The following PCDHGB3 variants were observed in gnomAD, a reference collection of about 807,000 sequenced individuals.
PCDHGB3 encodes the protein protocadherin gamma subfamily B, 3.
A neutral mutation model predicts 59.2 loss-of-function variants in PCDHGB3; 40 were observed. The ratio of observed to expected loss-of-function variants is 0.68; its 90% CI spans 0.52 to 0.88. The LOEUF (loss-of-function observed/expected upper bound fraction) is 0.88. PCDHGB3 is among the 40% of genes least tolerant of loss of function. PCDHGB3 has a pLI of 0.00. For synonymous variants in PCDHGB3, 581 were observed against 503.6 expected (o/e 1.15, Z -2.06); for missense variants, 1,309 against 1,187.9 (o/e 1.10, Z -1.50).
intron 1 of PCDHGB3, among the ~76,000 whole-genome samples, chr5:141,387,427 GT>G (rs1416187411): frequency 6.6e-6 from 1 of 152,220 alleles, no homozygotes; most frequent in Non-Finnish European, 1.5e-5. Context: ...GTCAATAAAT[GT>G]TTATGTACTT....
chr5:141,482,086 T>C (rs1435200188), intron 1 of PCDHGB3, among the ~76,000 whole-genome samples: 6 of 93,070 alleles, frequency 6.4e-5, no homozygotes, highest in African/African-American at 3.7e-4. Flanking sequence ...ACTCACTCCA[T>C]CTCAAAAAAA....
At chr5:141,460,981 GTGTATATA>G (rs1342006423) in intron 1 of PCDHGB3, among the ~76,000 whole-genome samples, 30 of 121,890 alleles carry the variant, frequency 2.5e-4, no homozygotes, top group African/African-American at 5.8e-4. Flanking sequence ...GTGTGTGTGT[GTGTATATA>G]TATATATGTG....
At chr5:141,469,674 A>G (rs532726373) in intron 1 of PCDHGB3, among the ~76,000 whole-genome samples, 23 of 152,380 alleles carry the variant, frequency 1.5e-4, no homozygotes, top group Non-Finnish European at 2.2e-4. Flanking sequence ...TAATAAAACT[A>G]CATATGCATT....
intron 1 of PCDHGB3, chr5:141,395,240 G>A: frequency 6.3e-7 from 1 of 1,589,850 alleles, no homozygotes; most frequent in Non-Finnish European, 8.6e-7. Context: ...ATGGTCAGGT[G>A]AGTTTAGTTC....
chr5:141,423,929 G>C, intron 1 of PCDHGB3: 1 of 1,236,074 alleles, frequency 8.1e-7, no homozygotes, highest in East Asian at 3.5e-5. Flanking sequence ...TGCTGGTTTG[G>C]TTTGAAGTAA....
chr5:141,424,353 T>C (rs923306479), intron 1 of PCDHGB3: 1 of 152,246 alleles, frequency 6.6e-6, no homozygotes, highest in African/African-American at 2.4e-5. Flanking sequence ...GGAGATAAAA[T>C]TTAGATCACA....
rs1435240793 is a variant in PCDHGB3 at position 141,402,906 on chromosome 5, CA to C, written c.2415+30098del. ...GGGTGGAAGAAAGAACCTGATGAAG[CA>C]GCGCGCACAGAGATCCTTTTGAGAA... On this transcript the variant is annotated intron_variant, in intron 1 of 3. Coordinates refer to ENST00000576222, the MANE Select transcript of PCDHGB3 (RefSeq NM_018924.5). The C allele has an allele frequency of 3.9e-6, 6 of 1,529,062 alleles. No homozygotes were observed. The African/African-American group carries it at 8.3e-5, about 21-fold the overall frequency. 94.7% of individuals were successfully genotyped at this position (1,529,062 alleles called of 1,614,324 possible). A position where few individuals can be genotyped will look rare whatever the true frequency, so the allele number is the denominator to read the frequency against.
Position 141,454,782 on chromosome 5 carries a change from C to A in PCDHGB3, c.2416-40025C>A, listed in dbSNP as rs116242508. On this transcript the variant is annotated intron_variant, in intron 1 of 3. Transcript: ENST00000576222. ...GACATGTTTTTTACAAGGAAATAAT[C>A]CTCCATGGTTCTAATTTTTTTTTTT... is the stretch of plus-strand genomic sequence containing the variant. 8.4e-3 allele frequency among the ~76,000 whole-genome samples: 1,205 copies of A among 143,216 alleles called. 20 individuals are homozygous for A. Among genetic ancestry groups the A allele is most frequent in the African/African-American group, 0.03 (1,150 of 37,952 alleles). The allele number at this position is 143,216 out of a possible 152,430, so 94.0% of individuals were successfully genotyped here. A position where few individuals can be genotyped will look rare whatever the true frequency, so the allele number is the denominator to read the frequency against.
Position 141,431,474 on chromosome 5 carries a change from G to C in PCDHGB3, c.2415+58665G>C. On this transcript the variant is annotated intron_variant, in intron 1 of 3. Coordinates refer to ENST00000576222, the MANE Select transcript of PCDHGB3 (RefSeq NM_018924.5). The surrounding 1 kb of genome is among the most constrained non-coding windows in gnomAD (Gnocchi z 4.8). The stretch of plus-strand genomic sequence containing the variant: ...GATGGTTCTGGATGCGAACGACAAC[G>C]CACCAGCGTTTGCTCAGCCCGAGTA... 6.2e-7 allele frequency: 1 copy of C among 1,613,842 alleles called. No individual in the cohort carries two copies. The highest frequency in any genetic ancestry group is 8.5e-7 in the Non-Finnish European group (1 of 1,179,958).
intron 1 of PCDHGB3, chr5:141,424,504 GT>G (rs892941709): frequency 6.6e-6 from 1 of 152,016 alleles, no homozygotes; most frequent in Non-Finnish European, 1.5e-5. Context: ...TGTATGGAAG[GT>G]TTTTTAATGT....
rs748591129 is a variant in PCDHGB3 at position 141,388,776 on chromosome 5, G to A, written c.2415+15967G>A. ...ATTTGACCTGAACTCTAACACCGGG[G>A]AAATTACTGTTTTAAATACATTAGA... On this transcript the variant is annotated intron_variant, in intron 1 of 3. Transcript: ENST00000576222. 8.7e-6 allele frequency: 14 copies of A among 1,613,806 alleles called. 1 individual carries two copies. In the South Asian group the frequency reaches 1.1e-4, roughly 13 times the overall value.
At chr5:141,451,640 G>A (rs2098720679) in intron 1 of PCDHGB3, among the ~76,000 whole-genome samples, 1 of 152,166 alleles carries the variant, frequency 6.6e-6, no homozygotes, top group South Asian at 2.1e-4. Context: ...CCAGCACTCT[G>A]AGAGGCCAAG....
rs1247382831 is a variant in PCDHGB3 at position 141,388,673 on chromosome 5, G to A, written c.2415+15864G>A. On this transcript the variant is annotated intron_variant, in intron 1 of 3. Transcript: ENST00000576222. ...TGTACCCGGGGACCACGGTGCTACA[G>A]GTGACTGCCACGGACCAGGATGAGG... The A allele has an allele frequency of 2.5e-6, 4 of 1,613,942 alleles. No homozygotes were observed. In the South Asian group the frequency reaches 3.3e-5, roughly 13 times the overall value.
chr5:141,485,805 T>C lies in PCDHGB3; in HGVS notation c.2416-9002T>C, dbSNP rs753916789. ...GAGAAGCAATCGGACTACCGCCTGG[T>C]GCTGACTGCTGTCGATGGAGGGAAC... On this transcript the variant is annotated intron_variant, in intron 1 of 3. Coordinates refer to ENST00000576222, the MANE Select transcript of PCDHGB3 (RefSeq NM_018924.5). The surrounding 1 kb of genome is among the most constrained non-coding windows in gnomAD (Gnocchi z 5.7). 1.2e-6 allele frequency: 2 copies of C among 1,614,198 alleles called. No individual in the cohort carries two copies. The highest frequency in any genetic ancestry group is 1.7e-6 in the Non-Finnish European group (2 of 1,180,026).
At position 141,489,720 on chromosome 5, in the gene PCDHGB3, G is replaced by T. The variant is rs560729125; in HGVS notation, c.2416-5087G>T. 1.9e-6 allele frequency: 3 copies of T among 1,614,200 alleles called. No individual in the cohort carries two copies. Among genetic ancestry groups the T allele is most frequent in the Middle Eastern group, 1.6e-4 (1 of 6,062 alleles). ...TCCCACTGGACAGTGCCCAGGATCC[G>T]GATGTGGGCACCAATACTGTGAGCT... On this transcript the variant is annotated intron_variant, in intron 1 of 3. Transcript: ENST00000576222. This position sits in a 1 kb window ranked among gnomAD's most constrained non-coding sequence, Gnocchi z 4.5.
Position 141,453,292 on chromosome 5 carries a change from T to A in PCDHGB3, c.2416-41515T>A, listed in dbSNP as rs141563552. The stretch of plus-strand genomic sequence containing the variant: ...CCATGACTGGCTAATTTTTTAATTA[T>A]TTATTTATTTATTTATTTATTTTAG... On this transcript the variant is annotated intron_variant, in intron 1 of 3. Transcript: ENST00000576222. Among the ~76,000 whole-genome samples, 253 of 151,810 alleles carry A rather than the reference T, an allele frequency of 1.7e-3. 1 individual carries two copies. The highest frequency in any genetic ancestry group is 2.6e-3 in the Non-Finnish European group (178 of 67,938).
At chr5:141,398,621 ACT>A in intron 1 of PCDHGB3, 3 of 1,613,968 alleles carry the variant, frequency 1.9e-6, no homozygotes, top group Non-Finnish European at 2.5e-6. Flanking sequence ...ATTGGCTTAA[ACT>A]CTCTGCAGAA....
intron 1 of PCDHGB3, chr5:141,413,123 A>T: frequency 6.5e-7 from 1 of 1,526,818 alleles, no homozygotes. Flanking sequence ...GAACCGGTTG[A>T]AACACACAAC....
Position 141,489,652 on chromosome 5 carries a change from C to T in PCDHGB3, c.2416-5155C>T, listed in dbSNP as rs767143028. The T allele has an allele frequency of 3.1e-6, 5 of 1,614,024 alleles. No individual in the cohort carries two copies. Among genetic ancestry groups the T allele is most frequent in the Non-Finnish European group, 4.2e-6 (5 of 1,180,026 alleles). ...CTCTCCTAGCTTTGCCACCCCTGAG[C>T]GAGAGATGCGCATCTCAGAATCAGC... On this transcript the variant is annotated intron_variant, in intron 1 of 3. Coordinates refer to ENST00000576222, the MANE Select transcript of PCDHGB3 (RefSeq NM_018924.5). The surrounding 1 kb of genome is among the most constrained non-coding windows in gnomAD (Gnocchi z 4.5).
Sources: allele counts gnomAD v4.1 joint callset (sites outside exome capture counted in the v4.1 genomes callset), GRCh38; gene constraint gnomAD v4.1.1; non-coding constraint Gnocchi (gnomAD v3.1); transcripts MANE v1.5; gene names NCBI Gene and HGNC (gene_info 2026-07-23, HGNC 2026-07-21).